Variants in TAB2 observed in about 807,000 individuals in gnomAD.
The protein encoded by TAB2 is TGF-beta activated kinase 1 (MAP3K7) binding protein 2, also known as TGF-beta-activated kinase 1 and MAP3K7-binding protein 2.
A neutral mutation model predicts 65.0 loss-of-function variants in TAB2; 3 were observed. That is an observed-to-expected ratio of 0.05 (90% CI 0.02 to 0.12). The LOEUF (loss-of-function observed/expected upper bound fraction) is 0.12, where lower values mean the gene tolerates loss of function less well. Ranked by LOEUF, TAB2 falls within the 10% of genes least tolerant of loss-of-function variation. The pLI is 1.00. For synonymous variants in TAB2, 298 were observed against 285.1 expected, an observed-to-expected ratio of 1.05 and a Z score of -0.46; for missense variants, 623 against 840.3, an observed-to-expected ratio of 0.74 and a Z score of 3.20.
chr6:149,407,112 G>A (rs528422585), intron 6 of TAB2, among the ~76,000 whole-genome samples: 1 of 152,306 alleles, frequency 6.6e-6, no homozygotes, highest in South Asian at 2.1e-4. Context: ...AGTTATTACA[G>A]AGGATGAGAG....
At chr6:149,251,402 G>A (rs1290488621) in intron 1 of TAB2, among the ~76,000 whole-genome samples, 1 of 152,000 alleles carries the variant, frequency 6.6e-6, no homozygotes, top group Non-Finnish European at 1.5e-5. Flanking sequence ...ACTCCCACTG[G>A]GACAAACTTA....
chr6:149,303,950 T>C (rs1248949359), intron 1 of TAB2, among the ~76,000 whole-genome samples: 1 of 152,216 alleles, frequency 6.6e-6, no homozygotes, highest in Non-Finnish European at 1.5e-5. Context: ...AGAGAGCATG[T>C]GTCTGGAGGA....
intron 1 of TAB2, among the ~76,000 whole-genome samples, chr6:149,224,196 G>T (rs945536160): frequency 6.6e-6 from 1 of 152,166 alleles, no homozygotes; most frequent in African/African-American, 2.4e-5. Context: ...GAGTCGGGAA[G>T]GGTGATAATG....
At chr6:149,265,733 A>G (rs1778251292) in intron 1 of TAB2, among the ~76,000 whole-genome samples, 1 of 152,200 alleles carries the variant, frequency 6.6e-6, no homozygotes, top group African/African-American at 2.4e-5. Flanking sequence ...CAACGCCCCA[A>G]GCCCCACGCG....
chr6:149,322,073 G>A (rs1256971567), intron 1 of TAB2, among the ~76,000 whole-genome samples: 1 of 152,114 alleles, frequency 6.6e-6, no homozygotes, highest in Non-Finnish European at 1.5e-5. Context: ...TTTATTGAAT[G>A]CCTACTGTGT....
intron 1 of TAB2, among the ~76,000 whole-genome samples, chr6:149,327,435 G>T (rs1270388224): frequency 6.6e-6 from 1 of 152,202 alleles, no homozygotes; most frequent in Non-Finnish European, 1.5e-5. Context: ...CAAGTAGCTA[G>T]GACTACGTAT....
intron 1 of TAB2, among the ~76,000 whole-genome samples, chr6:149,274,118 A>G (rs1220563397): frequency 6.6e-6 from 1 of 152,236 alleles, no homozygotes; most frequent in Non-Finnish European, 1.5e-5. Context: ...CCATAACTCA[A>G]AAGTGTGGTG....
exon 1 of TAB2, chr6:149,218,768 A>T (rs1398356512): frequency 6.6e-6 from 3 of 456,060 alleles, no homozygotes; most frequent in African/African-American, 2.0e-5. Flanking sequence ...AAACCAACTG[A>T]GAATGCAGGT....
chr6:149,359,955 A>G (rs573970620), intron 1 of TAB2, among the ~76,000 whole-genome samples: 60 of 152,302 alleles, frequency 3.9e-4, no homozygotes, highest in Non-Finnish European at 7.1e-4. Flanking sequence ...ATCTATTGAG[A>G]TAATAGTATA....
intron 1 of TAB2, among the ~76,000 whole-genome samples, chr6:149,250,759 A>T (rs1777842196): frequency 6.6e-6 from 1 of 152,220 alleles, no homozygotes; most frequent in Non-Finnish European, 1.5e-5. Context: ...CGTTGAATTG[A>T]TGAGGCTATC....
At position 149,351,261 on chromosome 6, in the gene TAB2, C is replaced by T. The variant is rs73613059; in HGVS notation, c.-89-18648C>T. On this transcript the variant is annotated intron_variant, in intron 1 of 6. Transcript: ENST00000637181. ...TTCCCCAACTGCAAGTTTTTTGTCC[C>T]GTATGCATTGAAAAAGAAGGCCTTA... Among the ~76,000 whole-genome samples, 766 of 152,192 alleles carry T rather than the reference C, an allele frequency of 5.0e-3. 6 individuals carry two copies. Among genetic ancestry groups the T allele is most frequent in the African/African-American group, 0.018 (745 of 41,518 alleles).
At chr6:149,335,894 G>A (rs560176981) in intron 1 of TAB2, among the ~76,000 whole-genome samples, 8 of 152,018 alleles carry the variant, frequency 5.3e-5, no homozygotes, top group African/African-American at 1.9e-4. Context: ...TGTATATTGT[G>A]TGTAGATAAA....
intron 1 of TAB2, among the ~76,000 whole-genome samples, chr6:149,291,852 C>A (rs376774596): frequency 6.6e-6 from 1 of 152,000 alleles, no homozygotes; most frequent in South Asian, 2.1e-4. Context: ...CAGAGTGTGA[C>A]CCTGTCTCTA....
At chr6:149,333,641 A>G (rs958431849) in intron 1 of TAB2, among the ~76,000 whole-genome samples, 3 of 151,950 alleles carry the variant, frequency 2.0e-5, no homozygotes, top group Non-Finnish European at 2.9e-5. Context: ...TACTATTCCA[A>G]TGCAGATTTA....
chr6:149,310,789 C>A lies in TAB2; in HGVS notation c.-120-67229C>A, dbSNP rs1424432311. Among the ~76,000 whole-genome samples the A allele has an allele frequency of 2.6e-5, 4 of 152,332 alleles. No homozygotes were observed. In the East Asian group the frequency reaches 7.7e-4, roughly 29 times the overall value. On this transcript the variant is annotated intron_variant, in intron 1 of 1. Coordinates refer to the TAB2 transcript ENST00000606202. ...AAAGCAATATCTCTACGTTACTTCA[C>A]CGTTTTTGTTAATAGAATAACAATT...
chr6:149,379,614 C>T, intron 3 of TAB2, 96 bp downstream of exon 3: 4 of 1,201,810 alleles, frequency 3.3e-6, no homozygotes, highest in Non-Finnish European at 4.9e-6. Flanking sequence ...ATTGTTATTT[C>T]ATTGTTTAAA....
chr6:149,368,857 T>C (rs775266158), intron 1 of TAB2, among the ~76,000 whole-genome samples: 2 of 152,170 alleles, frequency 1.3e-5, no homozygotes, highest in Non-Finnish European at 2.9e-5. Context: ...GCTTATTTTA[T>C]TGAGCACTGA....
chr6:149,344,425 G>A (rs534257866), intron 1 of TAB2, among the ~76,000 whole-genome samples: 1 of 152,104 alleles, frequency 6.6e-6, no homozygotes, highest in African/African-American at 2.4e-5. Flanking sequence ...TGTGGAGAAG[G>A]TAATGTTTCT....
At chr6:149,406,905 C>A (rs575265775) in intron 6 of TAB2, among the ~76,000 whole-genome samples, 3 of 152,096 alleles carry the variant, frequency 2.0e-5, no homozygotes, top group Non-Finnish European at 2.9e-5. Context: ...TTAGTACAGA[C>A]GGGGTTTCTC....
Sources: gnomAD v4.1 joint callset for allele counts (sites outside exome capture counted in the v4.1 genomes callset) on GRCh38, gnomAD v4.1.1 for gene constraint, MANE v1.5 for transcripts, NCBI Gene and HGNC (gene_info 2026-07-23, HGNC 2026-07-21) for gene names.